Variants in DTX1 observed in about 807,000 individuals in gnomAD.
DTX1 encodes the protein deltex E3 ubiquitin ligase 1.
In DTX1, 26 loss-of-function variants were observed where a neutral mutation model predicts 57.8. The observed-to-expected ratio is 0.45, with a 90% CI of 0.33 to 0.62. The LOEUF (loss-of-function observed/expected upper bound fraction) is 0.62, where lower values mean the gene tolerates loss of function less well. DTX1 is among the 20% of genes least tolerant of loss of function. DTX1 has a pLI of 0.02. For missense variants in DTX1, 704 were observed against 895.3 expected (o/e 0.79, Z 2.73); for synonymous variants, 398 against 394.1 (o/e 1.01, Z -0.12).
At chr12:113,057,225 A>G (rs1592838463) in intron 1 of DTX1, among the ~76,000 whole-genome samples, 1 of 152,052 alleles carries the variant, frequency 6.6e-6, no homozygotes. Context: ...CCGGGAGCCA[A>G]GGAGGGCGCC....
intron 3 of DTX1, among the ~76,000 whole-genome samples, chr12:113,078,689 T>G (rs967328449): frequency 2.0e-5 from 3 of 152,130 alleles, no homozygotes; most frequent in African/African-American, 7.2e-5. Context: ...CCAAAGTCTG[T>G]GCTGTGTTGT....
rs781463465 is a variant in DTX1, at chr12:113,057,745, A to G, written c.-448A>G. The G allele has an allele frequency of 1.2e-5, 2 of 169,888 alleles. No individual in the cohort carries two copies. Among genetic ancestry groups the G allele is most frequent in the African/African-American group, 2.4e-5 (1 of 41,972 alleles). The allele number at this position is 169,888 out of a possible 1,614,324, so 10.5% of individuals were successfully genotyped here. On this transcript the variant is annotated 5_prime_UTR_variant, in exon 2 of 10. Coordinates refer to ENST00000548759, the MANE Select transcript of DTX1 (RefSeq NM_004416.3). ...GTCTGGGACGCAGTTGGGAGTGCAAAGGGCTGGCTGAGAGCCGCAGGAGCA... is the reference window on the plus strand; with the variant it reads ...GTCTGGGACGCAGTTGGGAGTGCAAGGGGCTGGCTGAGAGCCGCAGGAGCA...
At chr12:113,076,160 T>TA (rs980539679) in intron 2 of DTX1, among the ~76,000 whole-genome samples, 6 of 151,902 alleles carry the variant, frequency 3.9e-5, no homozygotes, top group Non-Finnish European at 7.4e-5. Context: ...GGTATCAATT[T>TA]AAAAAAAGCA....
Position 113,077,914 on chromosome 12 carries a change from C to T in DTX1, c.750C>T (p.Ser250=). The T allele has an allele frequency of 8.3e-7, 1 of 1,198,412 alleles. No individual in the cohort carries two copies. Among genetic ancestry groups the T allele is most frequent in the Non-Finnish European group, 1.0e-6 (1 of 969,790 alleles). 74.2% of individuals were successfully genotyped at this position (1,198,412 alleles called of 1,614,324 possible). A position where few individuals can be genotyped will look rare whatever the true frequency, so the allele number is the denominator to read the frequency against. Residue 250 remains serine (S), a synonymous_variant, in exon 3 of 10, where the codon AGC becomes AGT. Transcript: ENST00000548759. This position sits in a 1 kb window ranked among gnomAD's most constrained non-coding sequence, Gnocchi z 7.8. ...CAGGCGCGCTTGCCGTGCGCCCCAG[C>T]GCCACCTTCACAGGCGCCGCGCTCT... ...GPPGALAVRP[S]ATFTGAALWA... is the part of the protein sequence containing the mutation.
intron 3 of DTX1, among the ~76,000 whole-genome samples, chr12:113,084,546 C>T (rs558749234): frequency 7.3e-4 from 111 of 152,238 alleles, no homozygotes; most frequent in Middle Eastern, 3.4e-3. Context: ...CCACCATGCC[C>T]GGCCAATTTT....
Position 113,093,056 on chromosome 12 carries a change from G to A in DTX1, c.942-106G>A. Reference sequence around the variant, plus strand: ...TGCAGTTGGCAGAGAGGTACAAAGAGGCCAGGGTGTGTGGCCCAGGAGCCA... The same window carrying A: ...TGCAGTTGGCAGAGAGGTACAAAGAAGCCAGGGTGTGTGGCCCAGGAGCCA... On this transcript the variant is annotated intron_variant, in intron 3 of 9. Coordinates refer to ENST00000548759, the MANE Select transcript of DTX1 (RefSeq NM_004416.3). This position sits in a 1 kb window ranked among gnomAD's most constrained non-coding sequence, Gnocchi z 4.2. The A allele has an allele frequency of 8.8e-7, 1 of 1,131,072 alleles. No homozygotes were observed. Among genetic ancestry groups the A allele is most frequent in the Non-Finnish European group, 1.3e-6 (1 of 775,538 alleles). The allele number at this position is 1,131,072 out of a possible 1,614,324, so 70.1% of individuals were successfully genotyped here.
At chr12:113,081,287 C>T (rs946982896) in intron 3 of DTX1, among the ~76,000 whole-genome samples, 1 of 152,192 alleles carries the variant, frequency 6.6e-6, no homozygotes, top group African/African-American at 2.4e-5. Context: ...CGAGATCACG[C>T]CACTGCACTC....
At chr12:113,078,133 C>A (rs1281939555) in intron 3 of DTX1, 28 bp downstream of exon 3, 1 of 1,329,994 alleles carries the variant, frequency 7.5e-7, no homozygotes. Context: ...GGGAGGGGGC[C>A]TCTGCGTCGT....
At chr12:113,065,570 C>T (rs916070168) in intron 2 of DTX1, among the ~76,000 whole-genome samples, 6 of 152,200 alleles carry the variant, frequency 3.9e-5, no homozygotes, top group Non-Finnish European at 8.8e-5. Flanking sequence ...TCCCATCCCC[C>T]GCCTCATTCT....
At chr12:113,060,655 A>G (rs1289963156) in intron 2 of DTX1, among the ~76,000 whole-genome samples, 1 of 152,184 alleles carries the variant, frequency 6.6e-6, no homozygotes, top group Non-Finnish European at 1.5e-5. Flanking sequence ...CCACGCAAAG[A>G]ACTTTGAATT....
At chr12:113,060,434 G>A (rs911399879) in intron 2 of DTX1, among the ~76,000 whole-genome samples, 1 of 152,168 alleles carries the variant, frequency 6.6e-6, no homozygotes, top group Non-Finnish European at 1.5e-5. Context: ...CTCAGGGAAG[G>A]CTAGCCTGAG....
chr12:113,081,270 A>G (rs1443033539), intron 3 of DTX1, among the ~76,000 whole-genome samples: 1 of 152,174 alleles, frequency 6.6e-6, no homozygotes, highest in African/African-American at 2.4e-5. Flanking sequence ...TGGAGGTTGC[A>G]GTGAGCCGAG....
intron 2 of DTX1, among the ~76,000 whole-genome samples, chr12:113,058,876 A>T (rs575688945): frequency 1.3e-5 from 2 of 152,310 alleles, no homozygotes; most frequent in African/African-American, 4.8e-5. Flanking sequence ...TTGTTGTATT[A>T]TTATGAGTCC....
intron 2 of DTX1, among the ~76,000 whole-genome samples, chr12:113,076,283 A>C (rs1387567795): frequency 6.6e-6 from 1 of 151,378 alleles, no homozygotes; most frequent in Non-Finnish European, 1.5e-5. Context: ...ACATGGCAAA[A>C]CCCCATCTCT....
chr12:113,058,539 T>C, intron 2 of DTX1, 88 bp downstream of exon 2: 2 of 1,523,460 alleles, frequency 1.3e-6, no homozygotes, highest in Admixed American at 1.9e-5. Context: ...GTAAATCTGC[T>C]GATGCCAAAT....
chr12:113,094,407 A>G (rs1433646716), intron 6 of DTX1, among the ~76,000 whole-genome samples: 1 of 152,008 alleles, frequency 6.6e-6, no homozygotes, highest in Non-Finnish European at 1.5e-5. Flanking sequence ...TCTGTGATAT[A>G]TCAGAATTCA....
Position 113,077,310 on chromosome 12 carries a change from G to A in DTX1, c.260-114G>A, listed in dbSNP as rs937770238. The A allele has an allele frequency of 4.9e-6, 6 of 1,224,358 alleles. No homozygotes were observed. The highest frequency in any genetic ancestry group is 6.7e-6 in the Non-Finnish European group (6 of 901,358). The allele number at this position is 1,224,358 out of a possible 1,614,324, so 75.8% of individuals were successfully genotyped here. ...CCCAAGTCTGGGTGGACCCCCTGGA[G>A]GCCTGTGCTGACCCCCCAACCTCCC... On this transcript the variant is annotated intron_variant, in intron 2 of 9. Transcript: ENST00000548759. This position sits in a 1 kb window ranked among gnomAD's most constrained non-coding sequence, Gnocchi z 7.8.
chr12:113,061,619 C>T (rs2044663930), intron 2 of DTX1, among the ~76,000 whole-genome samples: 2 of 152,200 alleles, frequency 1.3e-5, no homozygotes, highest in Admixed American at 6.5e-5. Context: ...ATCCCACAAA[C>T]ATCAACTAAT....
At chr12:113,095,948 C>T in intron 9 of DTX1, among the ~76,000 whole-genome samples, 1 of 152,194 alleles carries the variant, frequency 6.6e-6, no homozygotes, top group Non-Finnish European at 1.5e-5. Context: ...TGGCTCATGC[C>T]TCTAATCCCA....
Sources: gnomAD v4.1 joint callset for allele counts (sites outside exome capture counted in the v4.1 genomes callset) on GRCh38, gnomAD v4.1.1 for gene constraint, Gnocchi (gnomAD v3.1) non-coding constraint, MANE v1.5 for transcripts, NCBI Gene and HGNC (gene_info 2026-07-23, HGNC 2026-07-21) for gene names.